Variants in CHRM2 observed in about 807,000 individuals in gnomAD.
The protein encoded by CHRM2 is cholinergic receptor muscarinic 2.
Under a neutral mutation model 25.0 loss-of-function variants are expected in CHRM2, and 8 were observed. That is an observed-to-expected ratio of 0.32 (90% confidence interval 0.19 to 0.58). CHRM2 has a LOEUF of 0.58. Ranked by LOEUF, CHRM2 falls within the 20% of genes least tolerant of loss-of-function variation. The pLI is 0.88. For missense variants in CHRM2, 440 were observed against 567.1 expected, an observed-to-expected ratio of 0.78 and a Z score of 2.28; for synonymous variants, 202 against 205.7, an observed-to-expected ratio of 0.98 and a Z score of 0.15.
intron 3 of CHRM2, among the ~76,000 whole-genome samples, chr7:137,004,639 A>G (rs1584912018): frequency 2.0e-5 from 3 of 152,252 alleles, no homozygotes; most frequent in Non-Finnish European, 4.4e-5. Flanking sequence ...AAGTCATTTC[A>G]TTTCAAGCAG....
intron 2 of CHRM2, among the ~76,000 whole-genome samples, chr7:136,969,679 C>A (rs927417813): frequency 3.9e-5 from 6 of 152,152 alleles, no homozygotes; most frequent in Admixed American, 3.9e-4. Flanking sequence ...ACCTTTCCAA[C>A]GTCCTTCTGT....
chr7:136,977,099 C>A (rs1396300396), intron 2 of CHRM2, among the ~76,000 whole-genome samples: 3 of 152,184 alleles, frequency 2.0e-5, no homozygotes, highest in Admixed American at 2.0e-4. Context: ...CATCTGTTTG[C>A]TTTGGAATCC....
chr7:137,016,313 A>C lies in CHRM2; in HGVS notation c.*47A>C. On this transcript the variant is annotated 3_prime_UTR_variant, in exon 4 of 4. Transcript: ENST00000680005. ...AGGTGGGCAAGGGGAGCTTGAGAAG[A>C]ATAAAAGGGATAAACGAGCTCCTAG... 1 of 1,558,700 alleles carries C rather than the reference A, an allele frequency of 6.4e-7. No homozygotes were observed. Among genetic ancestry groups the C allele is most frequent in the African/African-American group, 1.4e-5 (1 of 73,762 alleles).
At chr7:136,960,910 G>C (rs1801031714) in intron 2 of CHRM2, among the ~76,000 whole-genome samples, 2 of 152,142 alleles carry the variant, frequency 1.3e-5, no homozygotes, top group Non-Finnish European at 2.9e-5. Flanking sequence ...CAGACCACTT[G>C]AGGTCAGGAG....
At chr7:137,013,836 T>C (rs542949492) in intron 3 of CHRM2, among the ~76,000 whole-genome samples, 1 of 152,078 alleles carries the variant, frequency 6.6e-6, no homozygotes, top group East Asian at 1.9e-4. Context: ...AACACCTAAT[T>C]AAGAGAAGCT....
Position 136,923,854 on chromosome 7 carries a change from T to C in CHRM2, c.-125+54436T>C, listed in dbSNP as rs180821993. The stretch of plus-strand genomic sequence containing the variant: ...CAAGAGCCCTGTCTCTACAAAATTT[T>C]TATTTTAATTAGCTAGGTGTGGCGG... On this transcript the variant is annotated intron_variant, in intron 2 of 3. Coordinates refer to ENST00000680005, the MANE Select transcript of CHRM2 (RefSeq NM_001006630.2). Among the ~76,000 whole-genome samples, 209 of 152,190 alleles carry C rather than the reference T, an allele frequency of 1.4e-3. 1 individual carries two copies. The highest frequency in any genetic ancestry group is 4.5e-3 in the African/African-American group (189 of 41,542).
chr7:136,954,085 T>C (rs990782777), intron 2 of CHRM2, among the ~76,000 whole-genome samples: 2 of 152,114 alleles, frequency 1.3e-5, no homozygotes, highest in Non-Finnish European at 1.5e-5. Flanking sequence ...TGTTCTTCCT[T>C]TGAGGTAAGA....
chr7:136,974,968 T>C (rs545285646), intron 2 of CHRM2, among the ~76,000 whole-genome samples: 7 of 152,252 alleles, frequency 4.6e-5, no homozygotes, highest in Non-Finnish European at 7.4e-5. Flanking sequence ...AAAGAAATAG[T>C]ATGTTATGGG....
chr7:137,015,233 T>A lies in CHRM2; in HGVS notation c.368T>A (p.Phe123Tyr). The A allele has an allele frequency of 6.2e-7, 1 of 1,613,366 alleles. No homozygotes were observed. Among genetic ancestry groups the A allele is most frequent in the Non-Finnish European group, 8.5e-7 (1 of 1,179,622 alleles). ...CTCATCATCAGCTTTGACAGGTACTTCTGTGTCACAAAACCTCTGACCTAC... is the reference window on the plus strand; with the variant it reads ...CTCATCATCAGCTTTGACAGGTACTACTGTGTCACAAAACCTCTGACCTAC... ...NLLIISFDRY[F>Y]CVTKPLTYPV... Residue 123 changes from phenylalanine (F) to tyrosine (Y), a missense_variant, in exon 4 of 4, where the codon TTC (phenylalanine) becomes TAC (tyrosine). By Grantham distance (22) the Phe-to-Tyr change is conservative. Around this residue, in one of 5 missense-constraint regions of CHRM2, gnomAD observed 27 missense variants for 55.5 expected, o/e 0.49. Transcript: ENST00000680005. This position sits in a 1 kb window ranked among gnomAD's most constrained non-coding sequence, Gnocchi z 5.1.
chr7:136,945,757 C>T (rs1462103800), intron 2 of CHRM2, among the ~76,000 whole-genome samples: 1 of 152,050 alleles, frequency 6.6e-6, no homozygotes, highest in African/African-American at 2.4e-5. Context: ...GAGGCATTCT[C>T]ACCTCAATTT....
chr7:136,951,380 T>C (rs906426438), intron 2 of CHRM2, among the ~76,000 whole-genome samples: 2 of 152,162 alleles, frequency 1.3e-5, no homozygotes, highest in Admixed American at 6.5e-5. Context: ...TTGTGTAAGA[T>C]ATATAATAGG....
intron 2 of CHRM2, among the ~76,000 whole-genome samples, chr7:136,985,528 A>AC (rs397812566): frequency 2.4e-4 from 34 of 142,526 alleles, no homozygotes; most frequent in African/African-American, 8.7e-4. Flanking sequence ...AAAAAAAAAA[A>AC]CAAAAACACC....
chr7:136,955,210 C>T (rs1800651806), intron 2 of CHRM2, among the ~76,000 whole-genome samples: 1 of 152,152 alleles, frequency 6.6e-6, no homozygotes, highest in Non-Finnish European at 1.5e-5. Context: ...TGCATCCTGA[C>T]TGCTTCCTTT....
chr7:136,900,403 T>C (rs1198708929), intron 2 of CHRM2, among the ~76,000 whole-genome samples: 1 of 152,134 alleles, frequency 6.6e-6, no homozygotes, highest in African/African-American at 2.4e-5. Flanking sequence ...TTAGTAATTT[T>C]GAGCAGGAGG....
intron 3 of CHRM2, among the ~76,000 whole-genome samples, chr7:137,013,508 C>T (rs903719615): frequency 2.0e-5 from 3 of 151,936 alleles, no homozygotes; most frequent in African/African-American, 7.2e-5. Flanking sequence ...TCTGACAGCT[C>T]ACAGCAATTT....
At chr7:136,972,200 C>A in intron 2 of CHRM2, among the ~76,000 whole-genome samples, 1 of 151,706 alleles carries the variant, frequency 6.6e-6, no homozygotes, top group East Asian at 1.9e-4. Context: ...AATCTACCAA[C>A]AGACAAAAAC....
intron 2 of CHRM2, among the ~76,000 whole-genome samples, chr7:136,953,003 G>A (rs765720574): frequency 5.9e-5 from 9 of 152,056 alleles, no homozygotes; most frequent in African/African-American, 9.7e-5. Flanking sequence ...TTGATTCCAT[G>A]TCTTTACTAT....
chr7:136,912,035 T>C (rs891996603), intron 2 of CHRM2, among the ~76,000 whole-genome samples: 2 of 151,956 alleles, frequency 1.3e-5, no homozygotes, highest in Non-Finnish European at 2.9e-5. Flanking sequence ...TATAACAATT[T>C]TTATTACAAT....
chr7:136,994,521 C>CTTTTTTTTTTT (rs757243972), intron 3 of CHRM2, among the ~76,000 whole-genome samples: 6 of 71,418 alleles, frequency 8.4e-5, no homozygotes, highest in African/African-American at 2.3e-4. Context: ...TTTTTCTTTT[C>CTTTTTTTTTTT]TTTTTTTTTT....
Sources: allele counts gnomAD v4.1 joint callset (sites outside exome capture counted in the v4.1 genomes callset), GRCh38; gene constraint gnomAD v4.1.1; regional missense constraint gnomAD v4.1.1; non-coding constraint Gnocchi (gnomAD v3.1); transcripts MANE v1.5; gene names NCBI Gene and HGNC (gene_info 2026-07-23, HGNC 2026-07-21).